LYPLAL1: variants seen among roughly 807,000 people sequenced by gnomAD.
LYPLAL1 encodes lysophospholipase like 1.
In LYPLAL1, 23 loss-of-function variants were observed where a neutral mutation model predicts 19.7. The ratio of observed to expected loss-of-function variants is 1.17; its 90% CI spans 0.84 to 1.65. LYPLAL1 has a LOEUF of 1.65. Among genes scored for constraint, LYPLAL1 ranks in the 40% most tolerant of loss-of-function variants. The probability of loss-of-function intolerance (pLI) is 0.00; values close to 1 mark genes in which losing one functional copy is unlikely to be tolerated. For missense variants in LYPLAL1, 355 were observed against 279.4 expected (o/e 1.27, Z -1.93); for synonymous variants, 119 against 96.3 (o/e 1.24, Z -1.38).
At chr1:219,235,611 G>A in the LYPLAL1 span, among the ~76,000 whole-genome samples, 18 of 152,254 alleles carry the variant, frequency 1.2e-4, no homozygotes, top group African/African-American at 3.4e-4. Context: ...ACATGCGTAC[G>A]CACATATAGG....
the LYPLAL1 span, among the ~76,000 whole-genome samples, chr1:219,311,799 G>C: frequency 6.6e-6 from 1 of 152,108 alleles, no homozygotes; most frequent in Non-Finnish European, 1.5e-5. Flanking sequence ...ACCTGGTGCT[G>C]TGCATTTTTT....
chr1:219,203,868 A>G (rs773034057), intron 3 of LYPLAL1, among the ~76,000 whole-genome samples: 27 of 152,338 alleles, frequency 1.8e-4, no homozygotes, highest in Middle Eastern at 3.4e-3. Context: ...ATGAAGTGCT[A>G]AACTGACACA....
chr1:219,248,826 A>G, the LYPLAL1 span, among the ~76,000 whole-genome samples: 1 of 152,142 alleles, frequency 6.6e-6, no homozygotes, highest in Non-Finnish European at 1.5e-5. Context: ...TTCAGTATAG[A>G]ACTTTTAGAC....
the LYPLAL1 span, among the ~76,000 whole-genome samples, chr1:219,283,820 G>T: frequency 1.3e-5 from 2 of 152,174 alleles, no homozygotes; most frequent in African/African-American, 4.8e-5. Context: ...GCCTTGTACA[G>T]ATCAGTTTGA....
chr1:219,392,144 G>A, the LYPLAL1 span, among the ~76,000 whole-genome samples: 1 of 152,124 alleles, frequency 6.6e-6, no homozygotes, highest in Non-Finnish European at 1.5e-5. Flanking sequence ...CCCAAGAGTC[G>A]TGAGTAGGTT....
the LYPLAL1 span, among the ~76,000 whole-genome samples, chr1:219,229,419 G>A: frequency 1.3e-5 from 2 of 149,708 alleles, no homozygotes; most frequent in African/African-American, 4.9e-5. Context: ...CCTGATTCCC[G>A]GCGAAAAGCA....
chr1:219,232,224 A>G, the LYPLAL1 span, among the ~76,000 whole-genome samples: 1 of 152,196 alleles, frequency 6.6e-6, no homozygotes, highest in Admixed American at 6.5e-5. Context: ...AGACCCCCAA[A>G]CAACTTAGCT....
At chr1:219,321,059 C>A in the LYPLAL1 span, among the ~76,000 whole-genome samples, 545 of 152,246 alleles carry the variant, frequency 3.6e-3, 4 homozygotes, top group Admixed American at 6.6e-3. Flanking sequence ...TCCCACCAAC[C>A]GTGTAAAAGC....
chr1:219,181,453 T>C (rs1433219224), intron 2 of LYPLAL1, among the ~76,000 whole-genome samples: 1 of 152,220 alleles, frequency 6.6e-6, no homozygotes, highest in East Asian at 1.9e-4. Context: ...GCTCAAGTTT[T>C]CACTTATTAG....
the LYPLAL1 span, among the ~76,000 whole-genome samples, chr1:219,278,761 G>A: frequency 6.6e-6 from 1 of 152,152 alleles, no homozygotes; most frequent in South Asian, 2.1e-4. Context: ...TTGTCTACTT[G>A]CCTTTTGGCC....
At chr1:219,421,932 G>A in the LYPLAL1 span, among the ~76,000 whole-genome samples, 3 of 152,158 alleles carry the variant, frequency 2.0e-5, no homozygotes, top group Non-Finnish European at 4.4e-5. Flanking sequence ...CGCATTTTGT[G>A]TATTTCTCTT....
the LYPLAL1 span, among the ~76,000 whole-genome samples, chr1:219,220,436 A>ATCCTT: frequency 4.6e-3 from 693 of 152,240 alleles, 5 homozygotes; most frequent in South Asian, 0.023. Context: ...GAAAAGAAGG[A>ATCCTT]CTTTTCCCTA....
the LYPLAL1 span, chr1:219,410,133 A>T: frequency 6.6e-6 from 1 of 152,222 alleles, no homozygotes; most frequent in Admixed American, 6.5e-5. Context: ...GAAGGCTCAC[A>T]TTGGAAAAAG....
chr1:219,311,970 C>A, the LYPLAL1 span, among the ~76,000 whole-genome samples: 2 of 152,066 alleles, frequency 1.3e-5, no homozygotes, highest in Non-Finnish European at 2.9e-5. Context: ...CCAGGAAACC[C>A]GTTGGAAGGT....
the LYPLAL1 span, among the ~76,000 whole-genome samples, chr1:219,344,742 T>A: frequency 6.6e-6 from 1 of 152,194 alleles, no homozygotes; most frequent in East Asian, 1.9e-4. Flanking sequence ...ATAAAATGAT[T>A]GGAGTTCTCC....
At chr1:219,419,594 C>CACACACACACACACACAGAGAGAGAG in the LYPLAL1 span, among the ~76,000 whole-genome samples, 9 of 99,598 alleles carry the variant, frequency 9.0e-5, no homozygotes, top group East Asian at 2.6e-4. Flanking sequence ...CACACACACA[C>CACACACACACACACACAGAGAGAGAG]AGAGAGAGAG....
chr1:219,199,442 C>CTT (rs796698708), intron 3 of LYPLAL1, among the ~76,000 whole-genome samples: 1 of 144,040 alleles, frequency 6.9e-6, no homozygotes, highest in Non-Finnish European at 1.5e-5. Flanking sequence ...TAATACTGAT[C>CTT]TTTTTTTTTT....
At chr1:219,250,080 G>C in the LYPLAL1 span, among the ~76,000 whole-genome samples, 1 of 152,038 alleles carries the variant, frequency 6.6e-6, no homozygotes, top group Non-Finnish European at 1.5e-5. Flanking sequence ...AGTAGCACCA[G>C]TGGTGTTAAG....
chr1:219,437,911 C>T, the LYPLAL1 span, among the ~76,000 whole-genome samples: 5 of 151,972 alleles, frequency 3.3e-5, no homozygotes, highest in East Asian at 1.9e-4. Context: ...GGATTACAGG[C>T]GCCCACCACC....
Sources: allele counts gnomAD v4.1 joint callset (sites outside exome capture counted in the v4.1 genomes callset), GRCh38; gene constraint gnomAD v4.1.1; transcripts MANE v1.5; gene names NCBI Gene and HGNC (gene_info 2026-07-23, HGNC 2026-07-21).